PCSK5: variants seen among roughly 807,000 people sequenced by gnomAD.
The protein encoded by PCSK5 is proprotein convertase subtilisin/kexin type 5.
In PCSK5, 129 loss-of-function variants were observed where a neutral mutation model predicts 233.2. The ratio of observed to expected loss-of-function variants is 0.55; its 90% confidence interval spans 0.48 to 0.64. PCSK5 has a LOEUF of 0.64. Ranked by LOEUF, PCSK5 falls within the 30% of genes least tolerant of loss-of-function variation. The probability of loss-of-function intolerance (pLI) is 0.00; values close to 1 mark genes in which losing one functional copy is unlikely to be tolerated. For missense variants in PCSK5, 2,076 were observed against 2,430.1 expected, an observed-to-expected ratio of 0.85 and a Z score of 3.06; for synonymous variants, 825 against 879.2, an observed-to-expected ratio of 0.94 and a Z score of 1.09.
chr9:76,050,897 T>C (rs996889982), intron 5 of PCSK5, among the ~76,000 whole-genome samples: 1 of 152,154 alleles, frequency 6.6e-6, no homozygotes, highest in Admixed American at 6.5e-5. Context: ...TCCTCCCCTG[T>C]CTCACTGCCT....
intron 20 of PCSK5, among the ~76,000 whole-genome samples, chr9:76,190,070 T>C (rs1401040916): frequency 6.6e-6 from 1 of 152,164 alleles, no homozygotes; most frequent in Non-Finnish European, 1.5e-5. Flanking sequence ...ATACCCCGTT[T>C]TCCCCACACA....
At chr9:76,229,089 A>G (rs1204576639) in intron 21 of PCSK5, among the ~76,000 whole-genome samples, 1 of 152,264 alleles carries the variant, frequency 6.6e-6, no homozygotes, top group African/African-American at 2.4e-5. Context: ...AACAGTTTTA[A>G]GAATTTTTAA....
chr9:75,950,662 C>A (rs1563932713), intron 2 of PCSK5, among the ~76,000 whole-genome samples: 1 of 152,098 alleles, frequency 6.6e-6, no homozygotes, highest in Non-Finnish European at 1.5e-5. Context: ...CACCACCAGG[C>A]CTGCCCTAAA....
chr9:76,329,741 G>A (rs1829472014), intron 33 of PCSK5, among the ~76,000 whole-genome samples: 1 of 152,024 alleles, frequency 6.6e-6, no homozygotes, highest in Non-Finnish European at 1.5e-5. Context: ...GCTGAGGCAG[G>A]GGAATCGCTT....
At chr9:76,284,088 G>A (rs1401778230) in intron 24 of PCSK5, among the ~76,000 whole-genome samples, 1 of 151,000 alleles carries the variant, frequency 6.6e-6, no homozygotes, top group African/African-American at 2.4e-5. Context: ...TCCAGAAAGA[G>A]GTAGGAAAAA....
At chr9:76,115,491 T>A (rs1413785619) in intron 9 of PCSK5, among the ~76,000 whole-genome samples, 1 of 152,144 alleles carries the variant, frequency 6.6e-6, no homozygotes, top group Non-Finnish European at 1.5e-5. Context: ...TCCACTGATG[T>A]ATATTAGTGA....
chr9:75,988,042 AGCCTGGT>A (rs1826599706), intron 3 of PCSK5, among the ~76,000 whole-genome samples: 1 of 152,222 alleles, frequency 6.6e-6, no homozygotes, highest in Non-Finnish European at 1.5e-5. Context: ...CCCTTTGGCT[AGCCTGGT>A]GGCTGAAGGT....
rs907103812 is a variant in PCSK5 at position 76,002,161 on chromosome 9, T to C, written c.411+15916T>C. On this transcript the variant is annotated intron_variant, in intron 3 of 37. Coordinates refer to ENST00000674117, the MANE Select transcript of PCSK5 (RefSeq NM_001372043.1). ...GCTAGAGATAACAAGTATGAAAAGGTTGTATACCCTGCTCACTAGCAGGAC... is the reference window on the plus strand; with the variant it reads ...GCTAGAGATAACAAGTATGAAAAGGCTGTATACCCTGCTCACTAGCAGGAC... Among the ~76,000 whole-genome samples, 6 of 152,274 alleles carry C rather than the reference T, an allele frequency of 3.9e-5. No homozygotes were observed. In the East Asian group the frequency reaches 7.7e-4, roughly 20 times the overall value.
intron 13 of PCSK5, among the ~76,000 whole-genome samples, chr9:76,173,693 C>T (rs1377531111): frequency 6.6e-6 from 1 of 151,710 alleles, no homozygotes; most frequent in Non-Finnish European, 1.5e-5. Flanking sequence ...CTGTTTTGGG[C>T]CAAGTGTGGT....
In PCSK5 at chr9:76,323,107, T is replaced by C. The variant is rs748624273; in HGVS notation, c.4158T>C (p.Arg1386=). 6.2e-7 allele frequency: 1 copy of C among 1,611,774 alleles called. No individual in the cohort carries two copies. Reference sequence around the variant, plus strand: ...ATATGTGCCACCAGTCCTGTCCCCGTGGCTTCTATGCAGACTCGCGCCACT... The same window carrying C: ...ATATGTGCCACCAGTCCTGTCCCCGCGGCTTCTATGCAGACTCGCGCCACT... The part of the protein sequence containing the change: ...HDDMCHQSCP[R]GFYADSRHCV... The change falls in exon 32 of 38, where the codon CGT becomes CGC. Residue 1386 remains arginine (R), a synonymous_variant. Coordinates refer to ENST00000674117, the MANE Select transcript of PCSK5 (RefSeq NM_001372043.1).
At chr9:75,910,647 C>G (rs570213554) in intron 1 of PCSK5, among the ~76,000 whole-genome samples, 1 of 151,942 alleles carries the variant, frequency 6.6e-6, no homozygotes, top group African/African-American at 2.4e-5. Flanking sequence ...TTATTTTTCC[C>G]CATCAGATGA....
chr9:76,264,705 G>A (rs1827281640), intron 24 of PCSK5, among the ~76,000 whole-genome samples: 2 of 152,050 alleles, frequency 1.3e-5, no homozygotes, highest in Admixed American at 1.3e-4. Context: ...AAACGAAAAG[G>A]TAACATCTCA....
chr9:76,273,951 T>C (rs535771194), intron 24 of PCSK5, among the ~76,000 whole-genome samples: 1 of 151,650 alleles, frequency 6.6e-6, no homozygotes, highest in Admixed American at 6.6e-5. Flanking sequence ...CCCAGCCAGA[T>C]TGGTGGGTTT....
chr9:76,207,730 T>A (rs1236230587), intron 20 of PCSK5, among the ~76,000 whole-genome samples: 1 of 151,774 alleles, frequency 6.6e-6, no homozygotes, highest in African/African-American at 2.4e-5. Flanking sequence ...GGGCAGGAGG[T>A]AGGAGTGGAA....
chr9:76,145,800 G>A (rs908276304), intron 10 of PCSK5, among the ~76,000 whole-genome samples: 7 of 152,202 alleles, frequency 4.6e-5, no homozygotes, highest in Non-Finnish European at 4.4e-5. Context: ...TTTTACTAAA[G>A]ATGGCTTAGC....
intron 9 of PCSK5, among the ~76,000 whole-genome samples, chr9:76,116,394 A>C (rs186125481): frequency 6.6e-6 from 1 of 152,248 alleles, no homozygotes; most frequent in Non-Finnish European, 1.5e-5. Context: ...ATGTGTGACT[A>C]AGATGAAGTA....
At chr9:75,968,117 C>G in intron 2 of PCSK5, among the ~76,000 whole-genome samples, 1 of 152,162 alleles carries the variant, frequency 6.6e-6, no homozygotes, top group South Asian at 2.1e-4. Flanking sequence ...CTTCACTGAT[C>G]CAGGGAGTCA....
intron 10 of PCSK5, among the ~76,000 whole-genome samples, chr9:76,137,064 T>C (rs895271747): frequency 9.2e-5 from 14 of 152,100 alleles, no homozygotes; most frequent in African/African-American, 3.4e-4. Context: ...GCTAGACTTG[T>C]GTGCAGCCCT....
intron 5 of PCSK5, among the ~76,000 whole-genome samples, chr9:76,043,084 C>T (rs868603937): frequency 6.6e-6 from 1 of 152,108 alleles, no homozygotes. Context: ...CCGTCGCTCA[C>T]GCCTGTAATC....
Sources: gnomAD v4.1 joint callset for allele counts (sites outside exome capture counted in the v4.1 genomes callset) on GRCh38, gnomAD v4.1.1 for gene constraint, MANE v1.5 for transcripts, NCBI Gene and HGNC (gene_info 2026-07-23, HGNC 2026-07-21) for gene names.